The following CPNE7 variants were observed in gnomAD, a reference collection of about 807,000 sequenced individuals.
The protein encoded by CPNE7 is copine-7.
A neutral mutation model predicts 66.5 loss-of-function variants in CPNE7; 78 were observed. The observed-to-expected ratio is 1.17, with a 90% CI of 0.98 to 1.42. The LOEUF (loss-of-function observed/expected upper bound fraction) is 1.42. Ranked by LOEUF, CPNE7 falls within the 40% of genes most tolerant of loss-of-function variation. CPNE7 has a pLI of 0.00. For missense variants in CPNE7, 1,012 were observed against 776.6 expected (o/e 1.30, Z -3.60); for synonymous variants, 468 against 336.7 (o/e 1.39, Z -4.27).
chr16:89,595,090 T>C (rs1257907433), intron 13 of CPNE7, among the ~76,000 whole-genome samples: 2 of 151,990 alleles, frequency 1.3e-5, no homozygotes, highest in Admixed American at 1.3e-4. Flanking sequence ...AGCTCATCAG[T>C]AAAATGTAGA....
At position 89,586,721 on chromosome 16, in the gene CPNE7, A is replaced by C; in HGVS notation, c.832A>C (p.Lys278Gln). 1.2e-6 allele frequency: 2 copies of C among 1,612,612 alleles called. No homozygotes were observed. Among genetic ancestry groups the C allele is most frequent in the Non-Finnish European group, 1.7e-6 (2 of 1,179,628 alleles). Residue 278 changes from lysine (K) to glutamine (Q), a missense_variant, in exon 8 of 15, where the codon AAG becomes CAG. Transcript: ENST00000319518. ...ATACAAGCAGAAGAGACGCAGTTAT[A>C]AGAACTCAGGAGTGGTCGTCCTGGC... ...PKYKQKRRSYKNSGVVVLADL... is the reference protein window; with the variant it reads ...PKYKQKRRSYQNSGVVVLADL...
chr16:89,584,060 C>T lies in CPNE7; in HGVS notation c.465C>T (p.Gly155=). 1 of 1,612,082 alleles carries T rather than the reference C, an allele frequency of 6.2e-7. No homozygotes were observed. Among genetic ancestry groups the T allele is most frequent in the South Asian group, 1.1e-5 (1 of 91,028 alleles). The change falls in exon 4 of 15, where the codon GGC becomes GGT. Residue 155 remains glycine (G), a synonymous_variant. Transcript: ENST00000319518. The surrounding 1 kb of genome is among the most constrained non-coding windows in gnomAD (Gnocchi z 6.0). ...VIAEDISGNN[G]YVELSFRARK... ...CCGAGGACATCTCGGGGAACAACGG[C>T]TACGTGGAGCTCTCCTTCCGGGCCA...
At chr16:89,580,331 G>A (rs113441317) in intron 2 of CPNE7, among the ~76,000 whole-genome samples, 88 of 112,680 alleles carry the variant, frequency 7.8e-4, no homozygotes, top group African/African-American at 2.9e-3. Context: ...CATCTCACCC[G>A]TCACACGGAA....
Position 89,596,723 on chromosome 16 carries a change from G to T in CPNE7, c.*102G>T, listed in dbSNP as rs1369478319. 4 of 1,326,994 alleles carry T rather than the reference G, an allele frequency of 3.0e-6. No homozygotes were observed. The highest frequency in any genetic ancestry group is 5.8e-5 in the East Asian group (2 of 34,598). 82.2% of individuals were successfully genotyped at this position (1,326,994 alleles called of 1,614,324 possible). A position where few individuals can be genotyped will look rare whatever the true frequency, so the allele number is the denominator to read the frequency against. On this transcript the variant is annotated 3_prime_UTR_variant, in exon 15 of 15. Transcript: ENST00000319518. ...TTAAGCTCCCTCCGACCTCCCAGAAGCCTCCAGTCCCCACCAGGCCCCACT... is the reference window on the plus strand; with the variant it reads ...TTAAGCTCCCTCCGACCTCCCAGAATCCTCCAGTCCCCACCAGGCCCCACT...
Position 89,591,195 on chromosome 16 carries a change from G to A in CPNE7, c.1237G>A (p.Val413Met), listed in dbSNP as rs369027383. 36 of 1,598,672 alleles carry A rather than the reference G, an allele frequency of 2.3e-5. No homozygotes were observed. The highest frequency in any genetic ancestry group is 3.0e-5 in the Non-Finnish European group (35 of 1,172,874). Residue 413 changes from valine to methionine, a missense_variant, in exon 13 of 15, where the codon GTG becomes ATG. Transcript: ENST00000319518. ...GGTCCAGCTCTACGGCCCCACCAAC[G>A]TGGCGCCCATCATCTCCAAGGTGGC... is the stretch of plus-strand genomic sequence containing the variant. ...PRVQLYGPTN[V>M]APIISKVARV...
In CPNE7 at chr16:89,588,206, G is replaced by GCGTGTCACCCACAGAAACACGGCCCC. The variant is rs2059112369; in HGVS notation, c.928-454_928-453insAACACGGCCCCCGTGTCACCCACAGA. On this transcript the variant is annotated intron_variant, in intron 9 of 14. Coordinates refer to ENST00000319518, the MANE Select transcript of CPNE7 (RefSeq NM_153636.3). ...CAGATACACGGCCCCCGTGTCACCC[G>GCGTGTCACCCACAGAAACACGGCCCC]CGTGTCACCCACAGATACACGGCCC... Among the ~76,000 whole-genome samples, 8 of 21,156 alleles carry GCGTGTCACCCACAGAAACACGGCCCC rather than the reference G, an allele frequency of 3.8e-4. 2 individuals carry two copies. The highest frequency in any genetic ancestry group is 2.0e-3 in the South Asian group (1 of 500). The allele number at this position is 21,156 out of a possible 152,430, so 13.9% of individuals were successfully genotyped here.
rs1203626728 is a variant in CPNE7, at chr16:89,584,090, G to A, written c.495G>A (p.Lys165=). The change falls in exon 4 of 15, where the codon AAG becomes AAA. Residue 165 remains lysine, a synonymous_variant. Transcript: ENST00000319518. This position sits in a 1 kb window ranked among gnomAD's most constrained non-coding sequence, Gnocchi z 6.0. Reference sequence around the variant, plus strand: ...TGGAGCTCTCCTTCCGGGCCAGGAAGCTGGACGACAAGGTGAGTGCAGGTG... The same window carrying A: ...TGGAGCTCTCCTTCCGGGCCAGGAAACTGGACGACAAGGTGAGTGCAGGTG... ...GYVELSFRAR[K]LDDKDLFSKS... is the part of the protein sequence containing the mutation. 6.2e-7 allele frequency: 1 copy of A among 1,611,606 alleles called. No individual in the cohort carries two copies.
chr16:89,584,790 C>T lies in CPNE7; in HGVS notation c.524C>T (p.Ser175Phe). The T allele has an allele frequency of 6.2e-7, 1 of 1,613,508 alleles. No individual in the cohort carries two copies. The highest frequency in any genetic ancestry group is 8.5e-7 in the Non-Finnish European group (1 of 1,179,882). Residue 175 changes from serine (S) to phenylalanine (F), a missense_variant, in exon 5 of 15, where the codon TCC becomes TTC. Physicochemically the swap from Ser to Phe is radical, Grantham distance 155. Coordinates refer to ENST00000319518, the MANE Select transcript of CPNE7 (RefSeq NM_153636.3). This position sits in a 1 kb window ranked among gnomAD's most constrained non-coding sequence, Gnocchi z 6.0. The stretch of plus-strand genomic sequence containing the variant: ...TCTCCCCAGGACCTCTTCAGCAAGT[C>T]CGACCCCTTCCTGGAGCTCTACAGG... ...KLDDKDLFSK[S>F]DPFLELYRVN...
In CPNE7 at chr16:89,584,983, T is replaced by C; in HGVS notation, c.591+126T>C. The C allele has an allele frequency of 1.2e-6, 1 of 864,094 alleles. No homozygotes were observed. The highest frequency in any genetic ancestry group is 2.6e-5 in the East Asian group (1 of 38,710). 53.5% of individuals were successfully genotyped at this position (864,094 alleles called of 1,614,324 possible). On this transcript the variant is annotated intron_variant, in intron 5 of 14. Coordinates refer to ENST00000319518, the MANE Select transcript of CPNE7 (RefSeq NM_153636.3). The surrounding 1 kb of genome is among the most constrained non-coding windows in gnomAD (Gnocchi z 6.0). ...GCTGTGGGCGCAGGGCTTTGGTGGC[T>C]GTGGCTATGGCCAGAATCCAACAGG... is the stretch of plus-strand genomic sequence containing the variant.
At chr16:89,578,689 G>A (rs2058898855) in intron 2 of CPNE7, among the ~76,000 whole-genome samples, 1 of 151,320 alleles carries the variant, frequency 6.6e-6, no homozygotes, top group South Asian at 2.1e-4. Flanking sequence ...GAACCCGGGA[G>A]GCAGAGGTTG....
rs994721581 is a variant in CPNE7, at chr16:89,576,029, C to T, written c.132C>T (p.Pro44=). 4 of 1,341,308 alleles carry T rather than the reference C, an allele frequency of 3.0e-6. No homozygotes were observed. Among genetic ancestry groups the T allele is most frequent in the Non-Finnish European group, 3.8e-6 (4 of 1,045,536 alleles). The allele number at this position is 1,341,308 out of a possible 1,614,324, so 83.1% of individuals were successfully genotyped here. Residue 44 remains proline, a synonymous_variant, in exon 1 of 15, where the codon CCC becomes CCT. Transcript: ENST00000319518. ...GCGACCCGCTCACCAAGTCCGACCCCAGCGTGGCGTTGCTGCAGCAGGCGC... is the reference window on the plus strand; with the variant it reads ...GCGACCCGCTCACCAAGTCCGACCCTAGCGTGGCGTTGCTGCAGCAGGCGC... The part of the protein sequence containing the change: ...LDRDPLTKSD[P]SVALLQQAQG...
Position 89,596,514 on chromosome 16 carries a change from C to T in CPNE7, c.1570C>T (p.Leu524=), listed in dbSNP as rs2059258069. Residue 524 remains leucine, a synonymous_variant, in exon 15 of 15, where the codon CTG becomes TTG. Coordinates refer to ENST00000319518, the MANE Select transcript of CPNE7 (RefSeq NM_153636.3). ...CCCTGCGGCGCTGGCCAAGTGCGTG[C>T]TGGCCGAGGTCCCGAAGCAGGTGGT... ...ASPAALAKCV[L]AEVPKQVVEY... is the part of the protein sequence containing the mutation. The T allele has an allele frequency of 6.2e-7, 1 of 1,609,856 alleles. No homozygotes were observed. The highest frequency in any genetic ancestry group is 8.5e-7 in the Non-Finnish European group (1 of 1,179,684).
At chr16:89,580,910 C>T (rs542841026) in intron 2 of CPNE7, among the ~76,000 whole-genome samples, 8 of 147,000 alleles carry the variant, frequency 5.4e-5, no homozygotes, top group Admixed American at 6.7e-5. Context: ...TCCCATCACC[C>T]GTCACATGGA....
intron 2 of CPNE7, among the ~76,000 whole-genome samples, chr16:89,581,420 G>C (rs1446528704): frequency 8.5e-5 from 13 of 152,214 alleles, no homozygotes; most frequent in African/African-American, 2.7e-4. Flanking sequence ...CTCCCCGCCT[G>C]GTTCGTCTCT....
intron 2 of CPNE7, chr16:89,583,345 G>A (rs1245228998): frequency 8.5e-7 from 1 of 1,170,812 alleles, no homozygotes; most frequent in East Asian, 2.6e-5. Context: ...CTGCTTACCT[G>A]TGGAGGGGCG....
chr16:89,589,756 C>T (rs903182841), intron 10 of CPNE7, 141 bp from the exon 11 acceptor site: 3 of 844,332 alleles, frequency 3.6e-6, no homozygotes, highest in African/African-American at 1.7e-5. Context: ...CGGTTCCCCA[C>T]CTCTGGCAGG....
Position 89,576,006 on chromosome 16 carries a change from G to C in CPNE7, c.109G>C (p.Asp37His). The C allele has an allele frequency of 7.3e-7, 1 of 1,374,726 alleles. No individual in the cohort carries two copies. Among genetic ancestry groups the C allele is most frequent in the Non-Finnish European group, 9.4e-7 (1 of 1,063,320 alleles). The allele number at this position is 1,374,726 out of a possible 1,614,324, so 85.2% of individuals were successfully genotyped here. The part of the protein sequence containing the change: ...RLSCRHLLDR[D>H]PLTKSDPSVA... Reference sequence around the variant, plus strand: ...CAGCTGCCGGCACCTGCTGGACCGCGACCCGCTCACCAAGTCCGACCCCAG... The same window carrying C: ...CAGCTGCCGGCACCTGCTGGACCGCCACCCGCTCACCAAGTCCGACCCCAG... Residue 37 changes from aspartate to histidine, a missense_variant, in exon 1 of 15, where the codon GAC becomes CAC. Coordinates refer to ENST00000319518, the MANE Select transcript of CPNE7 (RefSeq NM_153636.3).
chr16:89,584,873 T>G lies in CPNE7; in HGVS notation c.591+16T>G. 3 of 1,609,996 alleles carry G rather than the reference T, an allele frequency of 1.9e-6. No homozygotes were observed. The highest frequency in any genetic ancestry group is 2.5e-6 in the Non-Finnish European group (3 of 1,177,474). On this transcript the variant is annotated intron_variant, in intron 5 of 14. Transcript: ENST00000319518. The surrounding 1 kb of genome is among the most constrained non-coding windows in gnomAD (Gnocchi z 6.0). ...CAGGACGGAGGTGAGCGGCCGGGGA[T>G]GGGAACACAGGGAGGGGAAGGGGCT...
chr16:89,584,002 C>A lies in CPNE7; in HGVS notation c.433-26C>A. 3.7e-6 allele frequency: 6 copies of A among 1,610,516 alleles called. No homozygotes were observed. The highest frequency in any genetic ancestry group is 5.1e-6 in the Non-Finnish European group (6 of 1,178,906). ...GGGGTCAGGCCCCACCTGGCCAAGC[C>A]TGGAGCCCGGGCGTCCCCCTGCCAG... On this transcript the variant is annotated intron_variant, in intron 3 of 14. Transcript: ENST00000319518. The surrounding 1 kb of genome is among the most constrained non-coding windows in gnomAD (Gnocchi z 6.0).
Sources: gnomAD v4.1 joint callset for allele counts (sites outside exome capture counted in the v4.1 genomes callset) on GRCh38, gnomAD v4.1.1 for gene constraint, Gnocchi (gnomAD v3.1) non-coding constraint, MANE v1.5 for transcripts, NCBI Gene and HGNC (gene_info 2026-07-23, HGNC 2026-07-21) for gene names.